PTPRD: variants seen among roughly 807,000 people sequenced by gnomAD.
PTPRD encodes the protein receptor-type tyrosine-protein phosphatase delta.
Under a neutral mutation model 214.5 loss-of-function variants are expected in PTPRD, and 34 were observed. That is an observed-to-expected ratio of 0.16 (90% CI 0.12 to 0.21). The LOEUF (loss-of-function observed/expected upper bound fraction) is 0.21, where lower values mean the gene tolerates loss of function less well. Ranked by LOEUF, PTPRD falls within the 10% of genes least tolerant of loss-of-function variation. The pLI is 1.00. For missense variants in PTPRD, 2,545 were observed against 2,398.7 expected (o/e 1.06, Z -1.27); for synonymous variants, 1,128 against 845.7 (o/e 1.33, Z -5.79).
At chr9:9,489,134 T>C (rs948346080) in intron 8 of PTPRD, among the ~76,000 whole-genome samples, 2 of 152,072 alleles carry the variant, frequency 1.3e-5, no homozygotes, top group Admixed American at 6.6e-5. Context: ...ATTGCATATA[T>C]GAGAAACAGT....
chr9:9,795,519 A>G (rs539288200), intron 5 of PTPRD, among the ~76,000 whole-genome samples: 4 of 152,330 alleles, frequency 2.6e-5, no homozygotes, highest in East Asian at 3.9e-4. Flanking sequence ...CAAATAAAGT[A>G]TAAGCATAGT....
chr9:10,085,549 G>A (rs1005534341), intron 3 of PTPRD, among the ~76,000 whole-genome samples: 1 of 151,802 alleles, frequency 6.6e-6, no homozygotes, highest in African/African-American at 2.4e-5. Context: ...AGAGATGTAA[G>A]TGGAAAAGGG....
In PTPRD at chr9:9,080,194, TAG is replaced by T. The variant is rs2099757041; in HGVS notation, c.-142-61461_-142-61460del. The stretch of plus-strand genomic sequence containing the variant: ...ATGTTAAAAATAGAAAGCTGATGTC[TAG>T]AGAGTTTATACAACTTATCCAAGTT... On this transcript the variant is annotated intron_variant, in intron 10 of 45. Transcript: ENST00000381196. 2.0e-5 allele frequency among the ~76,000 whole-genome samples: 3 copies of T among 152,086 alleles called. No homozygotes were observed. The South Asian group carries it at 6.2e-4, about 31-fold the overall frequency.
At position 9,534,287 on chromosome 9, in the gene PTPRD, T is replaced by C. The variant is rs191421819; in HGVS notation, c.-237+40445A>G. Among the ~76,000 whole-genome samples the C allele has an allele frequency of 6.5e-3, 989 of 152,200 alleles. 12 individuals are homozygous for C. The highest frequency in any genetic ancestry group is 5.2e-3 in the Non-Finnish European group (356 of 67,994). Reference sequence around the variant, plus strand: ...TTTAAGAGTATTATTTATACAATATTGAAAGAATGAGGACACAGTAGTCAC... The same window carrying C: ...TTTAAGAGTATTATTTATACAATATCGAAAGAATGAGGACACAGTAGTCAC... On this transcript the variant is annotated intron_variant, in intron 8 of 45. Transcript: ENST00000381196.
chr9:8,791,393 T>C (rs1404340963), intron 11 of PTPRD, among the ~76,000 whole-genome samples: 8 of 151,814 alleles, frequency 5.3e-5, no homozygotes, highest in Admixed American at 5.3e-4. Flanking sequence ...ACCCAGCTAA[T>C]TTTTGTATTT....
intron 3 of PTPRD, among the ~76,000 whole-genome samples, chr9:10,282,738 T>C (rs1010167166): frequency 1.3e-5 from 2 of 152,108 alleles, no homozygotes; most frequent in Non-Finnish European, 2.9e-5. Context: ...ATGGTGATTC[T>C]GATTGTAGTT....
chr9:10,141,455 C>A (rs2098984407), intron 3 of PTPRD, among the ~76,000 whole-genome samples: 1 of 151,256 alleles, frequency 6.6e-6, no homozygotes. Context: ...TATACAACAA[C>A]AAGAGACAAA....
chr9:8,902,089 T>G (rs1308665261), intron 11 of PTPRD, among the ~76,000 whole-genome samples: 1 of 152,170 alleles, frequency 6.6e-6, no homozygotes, highest in African/African-American at 2.4e-5. Context: ...CAGTTATTTA[T>G]GAGTCTATTA....
chr9:8,787,481 C>T (rs1446822761), intron 11 of PTPRD, among the ~76,000 whole-genome samples: 1 of 151,930 alleles, frequency 6.6e-6, no homozygotes, highest in Admixed American at 6.6e-5. Context: ...TAATTTGTGC[C>T]TTTTTCTAGT....
chr9:9,601,168 G>T (rs2093737347), intron 7 of PTPRD, among the ~76,000 whole-genome samples: 1 of 148,486 alleles, frequency 6.7e-6, no homozygotes, highest in Non-Finnish European at 1.5e-5. Context: ...GGGGAGAGTG[G>T]GGAGAGAGAG....
intron 9 of PTPRD, among the ~76,000 whole-genome samples, chr9:9,331,990 A>G (rs1021224918): frequency 6.6e-6 from 1 of 151,988 alleles, no homozygotes; most frequent in Non-Finnish European, 1.5e-5. Context: ...TTCTCTATCA[A>G]TGGGAGGAAT....
At chr9:8,736,763 T>A (rs991587901) in intron 11 of PTPRD, among the ~76,000 whole-genome samples, 8 of 152,100 alleles carry the variant, frequency 5.3e-5, no homozygotes, top group African/African-American at 1.7e-4. Flanking sequence ...GGAAAACTTC[T>A]TGAATCCAGA....
intron 11 of PTPRD, among the ~76,000 whole-genome samples, chr9:8,951,104 T>C (rs2099099225): frequency 6.6e-6 from 1 of 151,362 alleles, no homozygotes. Context: ...TAAAAGTTTA[T>C]GTGGTTGTGT....
At chr9:9,126,940 G>A (rs2099834783) in intron 10 of PTPRD, among the ~76,000 whole-genome samples, 1 of 151,806 alleles carries the variant, frequency 6.6e-6, no homozygotes, top group South Asian at 2.1e-4. Context: ...AGAGCACAAG[G>A]AACAAACCCA....
chr9:10,166,844 T>TAG (rs1256331001), intron 3 of PTPRD, among the ~76,000 whole-genome samples: 1 of 152,154 alleles, frequency 6.6e-6, no homozygotes, highest in Non-Finnish European at 1.5e-5. Context: ...AATATTTTGG[T>TAG]AGTTTTATTT....
intron 9 of PTPRD, among the ~76,000 whole-genome samples, chr9:9,393,043 T>G (rs10977714): frequency 0.26 from 40,182 of 151,948 alleles, 5,459 homozygotes; most frequent in Middle Eastern, 0.3. Flanking sequence ...TTAATCGGCT[T>G]CCCTCTTGCT....
chr9:8,323,379 C>G (rs1228043367), intron 44 of PTPRD, among the ~76,000 whole-genome samples: 3 of 152,154 alleles, frequency 2.0e-5, no homozygotes, highest in African/African-American at 7.2e-5. Flanking sequence ...TAAGGCTATA[C>G]ATTCTATAGA....
At chr9:8,476,360 C>T (rs983793830) in intron 30 of PTPRD, among the ~76,000 whole-genome samples, 5 of 152,156 alleles carry the variant, frequency 3.3e-5, no homozygotes, top group African/African-American at 1.2e-4. Context: ...AGTGGTAATG[C>T]TCCCTCCCCA....
intron 4 of PTPRD, among the ~76,000 whole-genome samples, chr9:9,996,899 T>C (rs888803226): frequency 2.0e-5 from 3 of 152,206 alleles, no homozygotes; most frequent in African/African-American, 7.2e-5. Flanking sequence ...ATATTTATAT[T>C]AGATTAAATA....
Sources: gnomAD v4.1 joint callset for allele counts (sites outside exome capture counted in the v4.1 genomes callset) on GRCh38, gnomAD v4.1.1 for gene constraint, MANE v1.5 for transcripts, NCBI Gene and HGNC (gene_info 2026-07-23, HGNC 2026-07-21) for gene names.